The following IFI44L variants were observed in gnomAD, a reference collection of about 807,000 sequenced individuals.
IFI44L encodes the protein interferon-induced protein 44-like.
In IFI44L, 40 loss-of-function variants were observed where a neutral mutation model predicts 39.3. The ratio of observed to expected loss-of-function variants is 1.02; its 90% CI spans 0.79 to 1.33. IFI44L has a LOEUF of 1.33. Ranked by LOEUF, IFI44L falls within the 40% of genes most tolerant of loss-of-function variation. The pLI is 0.00. For missense variants in IFI44L, 623 were observed against 549.0 expected, an observed-to-expected ratio of 1.13 and a Z score of -1.35; for synonymous variants, 198 against 182.3, an observed-to-expected ratio of 1.09 and a Z score of -0.69.
intron 1 of IFI44L, among the ~76,000 whole-genome samples, chr1:78,624,523 A>G (rs965558096): frequency 1.3e-5 from 2 of 152,168 alleles, no homozygotes; most frequent in African/African-American, 4.8e-5. Flanking sequence ...ACGCTCCTAT[A>G]ATACACTTGA....
intron 1 of IFI44L, among the ~76,000 whole-genome samples, chr1:78,622,047 G>T (rs968715187): frequency 4.6e-5 from 7 of 151,984 alleles, no homozygotes; most frequent in African/African-American, 1.2e-4. Context: ...CTGTATATTT[G>T]TACTCATTAA....
chr1:78,641,177 G>A, intron 7 of IFI44L, 56 bp downstream of exon 7: 1 of 1,141,720 alleles, frequency 8.8e-7, no homozygotes, highest in Non-Finnish European at 1.3e-6. Flanking sequence ...AATCATACGT[G>A]TGTGTGTTTG....
At position 78,643,083 on chromosome 1, in the gene IFI44L, G is replaced by C. The variant is rs1323696458; in HGVS notation, c.*1274G>C. 6.8e-6 allele frequency: 1 copy of C among 147,112 alleles called. No homozygotes were observed. Among genetic ancestry groups the C allele is most frequent in the African/African-American group, 2.4e-5 (1 of 40,998 alleles). The allele number at this position is 147,112 out of a possible 1,614,324, so 9.1% of individuals were successfully genotyped here. A position where few individuals can be genotyped will look rare whatever the true frequency, so the allele number is the denominator to read the frequency against. Reference sequence around the variant, plus strand: ...TTGGTTCAATAGTTATCCACATTCTGACAGTCTAATTTAGTTTTAATCAGA... The same window carrying C: ...TTGGTTCAATAGTTATCCACATTCTCACAGTCTAATTTAGTTTTAATCAGA... On this transcript the variant is annotated 3_prime_UTR_variant, in exon 9 of 9. Transcript: ENST00000370751.
chr1:78,629,519 G>A (rs920034956), intron 3 of IFI44L: 16 of 439,894 alleles, frequency 3.6e-5, no homozygotes, highest in African/African-American at 3.1e-4. Flanking sequence ...ATAAAATAAT[G>A]CATTTTCTTT....
rs1184808815 is a variant in IFI44L, at chr1:78,641,588, G to T, written c.1303G>T (p.Asp435Tyr). 6 of 1,613,384 alleles carry T rather than the reference G, an allele frequency of 3.7e-6. No individual in the cohort carries two copies. The highest frequency in any genetic ancestry group is 5.1e-6 in the Non-Finnish European group (6 of 1,179,590). The part of the protein sequence containing the change: ...MLRAADDFLE[D>Y]LPLEETGAIE... ...GCGGGCTGCAGATGATTTTTTAGAA[G>T]ATTTGCCTCTTGAGGAAACTGGTAA... The change falls in exon 8 of 9, where the codon GAT becomes TAT. Residue 435 changes from aspartate to tyrosine, a missense_variant. Transcript: ENST00000370751.
Position 78,641,930 on chromosome 1 carries a change from G to C in IFI44L, c.*121G>C. 1 of 1,124,746 alleles carries C rather than the reference G, an allele frequency of 8.9e-7. No individual in the cohort carries two copies. The highest frequency in any genetic ancestry group is 1.2e-5 in the South Asian group (1 of 80,508). The allele number at this position is 1,124,746 out of a possible 1,614,324, so 69.7% of individuals were successfully genotyped here. A position where few individuals can be genotyped will look rare whatever the true frequency, so the allele number is the denominator to read the frequency against. The stretch of plus-strand genomic sequence containing the variant: ...TTGTTCGTTTTGCCTTCTGTCCTTG[G>C]AACAGTCATATCTCAAGTTCAAAGG... On this transcript the variant is annotated 3_prime_UTR_variant, in exon 9 of 9. Coordinates refer to ENST00000370751, the MANE Select transcript of IFI44L (RefSeq NM_006820.4).
chr1:78,634,761 A>G (rs1276486883), intron 4 of IFI44L, among the ~76,000 whole-genome samples: 4 of 152,186 alleles, frequency 2.6e-5, no homozygotes, highest in Middle Eastern at 3.4e-3. Context: ...GTTAAAGGAC[A>G]TGCAATATGG....
chr1:78,628,551 G>A lies in IFI44L; in HGVS notation c.478+158G>A. 5.0e-6 allele frequency: 3 copies of A among 600,008 alleles called. No individual in the cohort carries two copies. In the South Asian group the frequency reaches 6.6e-5, roughly 13 times the overall value. 37.2% of individuals were successfully genotyped at this position (600,008 alleles called of 1,614,324 possible). A position where few individuals can be genotyped will look rare whatever the true frequency, so the allele number is the denominator to read the frequency against. On this transcript the variant is annotated intron_variant, in intron 2 of 8. Coordinates refer to ENST00000370751, the MANE Select transcript of IFI44L (RefSeq NM_006820.4). ...CTGAAATGAAACGTGGGGAACATAAGGATTATGAGGTTTTTATCCAGAACG... is the reference window on the plus strand; with the variant it reads ...CTGAAATGAAACGTGGGGAACATAAAGATTATGAGGTTTTTATCCAGAACG...
intron 4 of IFI44L, among the ~76,000 whole-genome samples, chr1:78,632,993 C>T (rs1570360209): frequency 6.6e-6 from 1 of 152,156 alleles, no homozygotes; most frequent in Admixed American, 6.5e-5. Flanking sequence ...GTCTCTCCAG[C>T]AATCATTCCT....
In IFI44L at chr1:78,628,991, A is replaced by G; in HGVS notation, c.519A>G (p.Lys173=). Residue 173 remains lysine (K), a synonymous_variant, in exon 3 of 9, where the codon AAA becomes AAG. Transcript: ENST00000370751. The part of the protein sequence containing the change: ...DNLDDIKRII[K]AREHRNRLLA... ...TAGACGACATAAAGAGGATAATTAA[A>G]GCCAGAGAGTAAGTTGGATTCTTGG... The G allele has an allele frequency of 6.3e-7, 1 of 1,576,830 alleles. No individual in the cohort carries two copies. The highest frequency in any genetic ancestry group is 8.7e-7 in the Non-Finnish European group (1 of 1,146,512).
Position 78,637,062 on chromosome 1 carries a change from C to T in IFI44L, c.907C>T (p.His303Tyr), listed in dbSNP as rs1652975969. 1 of 1,611,706 alleles carries T rather than the reference C, an allele frequency of 6.2e-7. No individual in the cohort carries two copies. Among genetic ancestry groups the T allele is most frequent in the Admixed American group, 1.7e-5 (1 of 59,936 alleles). The change falls in exon 6 of 9, where the codon CAT (histidine) becomes TAT (tyrosine). Residue 303 changes from histidine (H) to tyrosine (Y), a missense_variant. By Grantham distance (83) the His-to-Tyr change is moderately conservative (BLOSUM62 2). Transcript: ENST00000370751. ...FNSRKPITPE[H>Y]STFITSPSLK... ...TTCCCGTAAACCAATTACACCTGAG[C>T]ATTCTACTTTTATCACCTCTCCATC...
intron 1 of IFI44L, chr1:78,627,091 A>G (rs1056073816): frequency 3.9e-5 from 6 of 151,996 alleles, no homozygotes; most frequent in African/African-American, 1.4e-4. Flanking sequence ...CAGCATCTCA[A>G]GTGCCTTTTC....
chr1:78,636,082 G>A (rs1389798677), intron 5 of IFI44L: 1 of 151,368 alleles, frequency 6.6e-6, no homozygotes, highest in Non-Finnish European at 1.5e-5. Context: ...AGCCAACAAT[G>A]ATTGTTACCT....
rs781107707 is a variant in IFI44L at position 78,641,068 on chromosome 1, G to A, written c.1096G>A (p.Val366Ile). 1.2e-6 allele frequency: 2 copies of A among 1,612,910 alleles called. No homozygotes were observed. The highest frequency in any genetic ancestry group is 1.7e-6 in the Non-Finnish European group (2 of 1,179,194). Residue 366 changes from valine to isoleucine, a missense_variant, in exon 7 of 9, where the codon GTT becomes ATT. By Grantham distance (29) the Val-to-Ile change is conservative (BLOSUM62 3). Coordinates refer to ENST00000370751, the MANE Select transcript of IFI44L (RefSeq NM_006820.4). The part of the protein sequence containing the change: ...LLTKVDDCSE[V>I]LQDNFLNMSR... ...TACTAAAGTGGATGATTGCAGTGAGGTTCTTCAAGACAACTTTTTAAACAT... is the reference window on the plus strand; with the variant it reads ...TACTAAAGTGGATGATTGCAGTGAGATTCTTCAAGACAACTTTTTAAACAT...
At position 78,628,508 on chromosome 1, in the gene IFI44L, C is replaced by T. The variant is rs138247703; in HGVS notation, c.478+115C>T. On this transcript the variant is annotated intron_variant, in intron 2 of 8. Transcript: ENST00000370751. ...GTGAAAGGAACAGTTAGATTCATGC[C>T]ATACTCTTTGATAAATTCTGAAATG... 2.5e-5 allele frequency: 17 copies of T among 683,748 alleles called. No homozygotes were observed. In the East Asian group the frequency reaches 3.8e-4, roughly 15 times the overall value. 42.4% of individuals were successfully genotyped at this position (683,748 alleles called of 1,614,324 possible).
chr1:78,640,111 G>A (rs1171749303), intron 6 of IFI44L, among the ~76,000 whole-genome samples: 2 of 152,064 alleles, frequency 1.3e-5, no homozygotes, highest in African/African-American at 4.8e-5. Flanking sequence ...TGGAGGGTTT[G>A]GGGTAAGACA....
At chr1:78,631,111 G>T (rs1254569646) in intron 4 of IFI44L, among the ~76,000 whole-genome samples, 1 of 152,068 alleles carries the variant, frequency 6.6e-6, no homozygotes, top group Non-Finnish European at 1.5e-5. Context: ...AAGAGAAGAT[G>T]TAGATACTGA....
intron 2 of IFI44L, chr1:78,628,646 G>A (rs763598885): frequency 5.8e-6 from 3 of 515,740 alleles, no homozygotes; most frequent in Non-Finnish European, 1.0e-5. Context: ...AGGAGATGGG[G>A]ATGTGGAGAG....
At chr1:78,631,415 A>G (rs1291104089) in intron 4 of IFI44L, 1 of 152,122 alleles carries the variant, frequency 6.6e-6, no homozygotes, top group Non-Finnish European at 1.5e-5. Context: ...TTCATGGCCC[A>G]ATGAGAGCTT....
Sources: gnomAD v4.1 joint callset for allele counts (sites outside exome capture counted in the v4.1 genomes callset) on GRCh38, gnomAD v4.1.1 for gene constraint, MANE v1.5 for transcripts, NCBI Gene and HGNC (gene_info 2026-07-23, HGNC 2026-07-21) for gene names.